Variants in HLA-DRB1 observed in about 807,000 individuals in gnomAD.
The protein encoded by HLA-DRB1 is major histocompatibility complex, class II, DR beta 1, also known as major histocompatibility complex, class II, DR beta 1 precursor.
Under a neutral mutation model 27.9 loss-of-function variants are expected in HLA-DRB1, and 10 were observed. That is an observed-to-expected ratio of 0.36 (90% CI 0.22 to 0.61). The LOEUF (loss-of-function observed/expected upper bound fraction) is 0.61, where lower values mean the gene tolerates loss of function less well. Ranked by LOEUF, HLA-DRB1 falls within the 20% of genes least tolerant of loss-of-function variation. HLA-DRB1 has a pLI of 0.73. For missense variants in HLA-DRB1, 118 were observed against 306.3 expected, an observed-to-expected ratio of 0.39 and a Z score of 4.59; for synonymous variants, 57 against 126.7, an observed-to-expected ratio of 0.45 and a Z score of 3.69.
At chr6:32,586,892 T>C (rs35743837) in intron 1 of HLA-DRB1, among the ~76,000 whole-genome samples, 32 of 106,092 alleles carry the variant, frequency 3.0e-4, no homozygotes, top group East Asian at 2.2e-3. Context: ...TTACAGTAAT[T>C]CATTAACAAG....
At chr6:32,580,715 T>C (rs113472088) in intron 4 of HLA-DRB1, 31 bp downstream of exon 4, 67,855 of 1,561,514 alleles carry the variant, frequency 0.043, 169 homozygotes, top group East Asian at 0.1. Flanking sequence ...GAAAAGCCTA[T>C]GGAGAGAGCC....
In HLA-DRB1 at chr6:32,583,989, C is replaced by T. The variant is rs942638089; in HGVS notation, c.370+120G>A. 2.6e-5 allele frequency: 4 copies of T among 152,656 alleles called. 1 individual carries two copies. Among genetic ancestry groups the T allele is most frequent in the Non-Finnish European group, 3.7e-5 (4 of 108,234 alleles). The allele number at this position is 152,656 out of a possible 1,614,324, so 9.5% of individuals were successfully genotyped here. ...ACAGATGGCGCTCTCTCTCTCTCTT[C>T]CTCTCTCTGTCTCTCTCTGTCTCTC... is the stretch of plus-strand genomic sequence containing the variant. On this transcript the variant is annotated intron_variant, in intron 2 of 5. Coordinates refer to ENST00000360004, the Ensembl canonical transcript of HLA-DRB1.
At chr6:32,582,740 CT>C (rs779187713) in intron 2 of HLA-DRB1, among the ~76,000 whole-genome samples, 15,675 of 66,716 alleles carry the variant, frequency 0.23, 1,779 homozygotes, top group African/African-American at 0.28. Flanking sequence ...ATTATTAGGC[CT>C]ATCATTGTAA....
rs1777021982 is a variant in HLA-DRB1, at chr6:32,589,408, G to A, written c.100+235C>T. Among the ~76,000 whole-genome samples, 16 of 125,030 alleles carry A rather than the reference G, an allele frequency of 1.3e-4. 1 individual carries two copies. Among genetic ancestry groups the A allele is most frequent in the Non-Finnish European group, 1.7e-5 (1 of 60,482 alleles). The allele number at this position is 125,030 out of a possible 152,430, so 82.0% of individuals were successfully genotyped here. On this transcript the variant is annotated intron_variant, in intron 1 of 5. Coordinates refer to ENST00000360004, the Ensembl canonical transcript of HLA-DRB1. ...GGACATGTGATGCAAAGGTTTTATT[G>A]GTGGAGATTTGAAAAGAAATGATTT...
exon 6 of HLA-DRB1, chr6:32,578,893 C>T (rs34981130): frequency 0.14 from 64,288 of 471,456 alleles, 12,175 homozygotes; most frequent in Non-Finnish European, 0.15. Flanking sequence ...TGAGGCGCTG[C>T]CATCAATGCT....
intron 3 of HLA-DRB1, 49 bp from the exon 4 acceptor site, chr6:32,580,905 T>A (rs1394611984): frequency 3.7e-6 from 5 of 1,362,480 alleles, no homozygotes; most frequent in Non-Finnish European, 5.1e-6. Flanking sequence ...ATTGAACCTT[T>A]TTACTTGAGA....
At chr6:32,584,878 A>T (rs111477438) in intron 1 of HLA-DRB1, among the ~76,000 whole-genome samples, 7,211 of 102,364 alleles carry the variant, frequency 0.07, no homozygotes, top group Admixed American at 0.12. Flanking sequence ...GGGGGAGCTT[A>T]AAGAGCAGTG....
At chr6:32,583,584 A>G (rs1331087933) in intron 2 of HLA-DRB1, among the ~76,000 whole-genome samples, 10 of 59,352 alleles carry the variant, frequency 1.7e-4, no homozygotes, top group African/African-American at 6.5e-4. Context: ...TGCTTTTACA[A>G]ACAAACAGCA....
chr6:32,588,268 C>T lies in HLA-DRB1; in HGVS notation c.100+1375G>A, dbSNP rs372046326. Among the ~76,000 whole-genome samples, 12 of 134,104 alleles carry T rather than the reference C, an allele frequency of 8.9e-5. No individual in the cohort carries two copies. In the South Asian group the frequency reaches 1.7e-3, roughly 19 times the overall value. The allele number at this position is 134,104 out of a possible 152,430, so 88.0% of individuals were successfully genotyped here. On this transcript the variant is annotated intron_variant, in intron 1 of 5. Transcript: ENST00000360004. ...TCCAGCAGTTCAAGACCAGCCTGGG[C>T]AACATGGCAAAATCTCATGTCTACC...
chr6:32,586,223 G>T (rs1776369317), intron 1 of HLA-DRB1, among the ~76,000 whole-genome samples: 1 of 67,760 alleles, frequency 1.5e-5, no homozygotes, highest in African/African-American at 5.7e-5. Flanking sequence ...TTTAGGTTCA[G>T]CTGGCTCCCT....
intron 3 of HLA-DRB1, 50 bp from the exon 4 acceptor site, chr6:32,580,906 T>G (rs34292666): frequency 0.087 from 105,527 of 1,218,242 alleles, 4,262 homozygotes; most frequent in Non-Finnish European, 0.099. Flanking sequence ...TTGAACCTTT[T>G]TACTTGAGAC....
intron 2 of HLA-DRB1, 25 bp downstream of exon 2, chr6:32,584,084 A>T: frequency 1.2e-6 from 1 of 857,904 alleles, no homozygotes; most frequent in Non-Finnish European, 1.6e-6. Context: ...ACGGGGACTC[A>T]GGCCCCGCCC....
intron 3 of HLA-DRB1, 108 bp from the exon 4 acceptor site, chr6:32,580,964 A>T: frequency 1.4e-6 from 1 of 704,656 alleles, no homozygotes; most frequent in Non-Finnish European, 2.2e-6. Context: ...GCCTCACAAG[A>T]ACTAAAATAA....
chr6:32,586,997 A>G (rs9270107), intron 1 of HLA-DRB1, among the ~76,000 whole-genome samples: 37,611 of 59,612 alleles, frequency 0.63, 14,968 homozygotes, highest in Middle Eastern at 0.69. Flanking sequence ...GTTTTCCCTG[A>G]AGAATTCCCT....
Position 32,584,639 on chromosome 6 carries a change from C to A in HLA-DRB1, c.101-261G>T, listed in dbSNP as rs34951355. ...CCCTGCCTCCAGCCTGTTCTGGAGA[C>A]CTCCAAGCAGGAGCTGGAGGAGGAT... On this transcript the variant is annotated intron_variant, in intron 1 of 5. Transcript: ENST00000360004. Among the ~76,000 whole-genome samples the A allele has an allele frequency of 0.21, 29,389 of 137,008 alleles. 1,730 individuals are homozygous for A. The highest frequency in any genetic ancestry group is 0.27 in the East Asian group (1,148 of 4,298). 89.9% of individuals were successfully genotyped at this position (137,008 alleles called of 152,430 possible).
chr6:32,585,568 T>G (rs987874390), intron 1 of HLA-DRB1, among the ~76,000 whole-genome samples: 1 of 99,692 alleles, frequency 1.0e-5, no homozygotes, highest in Non-Finnish European at 2.2e-5. Context: ...GCTCATATTA[T>G]TTTTTGTATT....
Position 32,580,872 on chromosome 6 carries a change from A to T in HLA-DRB1, c.653-16T>A. 6.3e-7 allele frequency: 1 copy of T among 1,597,470 alleles called. No individual in the cohort carries two copies. Among genetic ancestry groups the T allele is most frequent in the Non-Finnish European group, 8.6e-7 (1 of 1,168,934 alleles). The stretch of plus-strand genomic sequence containing the variant: ...GACCGTGCTCCTGAGAGAGGAAGCC[A>T]GGTTTAGTGATGTTTATTCCAAATT... On this transcript the variant is annotated splice_polypyrimidine_tract_variant and intron_variant, in intron 3 of 5. Coordinates refer to ENST00000360004, the Ensembl canonical transcript of HLA-DRB1.
chr6:32,584,580 A>G lies in HLA-DRB1; in HGVS notation c.101-202T>C, dbSNP rs548073851. 4.3e-3 allele frequency among the ~76,000 whole-genome samples: 609 copies of G among 142,722 alleles called. 1 individual carries two copies. Among genetic ancestry groups the G allele is most frequent in the African/African-American group, 0.014 (541 of 37,412 alleles). The allele number at this position is 142,722 out of a possible 152,430, so 93.6% of individuals were successfully genotyped here. Reference sequence around the variant, plus strand: ...GGGGCCTGGGGGACCATGCGGGAAAACCCCTTCTCATCCCCAGGCTTTTGG... The same window carrying G: ...GGGGCCTGGGGGACCATGCGGGAAAGCCCCTTCTCATCCCCAGGCTTTTGG... On this transcript the variant is annotated intron_variant, in intron 1 of 5. Transcript: ENST00000360004.
chr6:32,588,316 C>G (rs34820117), intron 1 of HLA-DRB1, among the ~76,000 whole-genome samples: 1 of 132,298 alleles, frequency 7.6e-6, no homozygotes, highest in Admixed American at 8.1e-5. Context: ...ATTAGCTGGG[C>G]GTGGTTGCCT....
Sources: gnomAD v4.1 joint callset for allele counts (sites outside exome capture counted in the v4.1 genomes callset) on GRCh38, gnomAD v4.1.1 for gene constraint, MANE v1.5 for transcripts, NCBI Gene and HGNC (gene_info 2026-07-23, HGNC 2026-07-21) for gene names.